Variants in CTNND2 observed in about 807,000 individuals in gnomAD.
CTNND2 encodes the protein catenin delta 2.
Under a neutral mutation model 144.4 loss-of-function variants are expected in CTNND2, and 22 were observed. The ratio of observed to expected loss-of-function variants is 0.15; its 90% CI spans 0.11 to 0.22. The LOEUF (loss-of-function observed/expected upper bound fraction) is 0.22. CTNND2 is among the 10% of genes least tolerant of loss of function. The pLI is 1.00. For missense variants in CTNND2, 1,353 were observed against 1,618.8 expected, an observed-to-expected ratio of 0.84 and a Z score of 2.82; for synonymous variants, 751 against 695.6, an observed-to-expected ratio of 1.08 and a Z score of -1.25.
At chr5:11,178,316 T>G (rs1760669797) in intron 11 of CTNND2, among the ~76,000 whole-genome samples, 1 of 152,268 alleles carries the variant, frequency 6.6e-6, no homozygotes, top group South Asian at 2.1e-4. Context: ...GGTTATTAGT[T>G]GAGGAATACT....
intron 10 of CTNND2, among the ~76,000 whole-genome samples, chr5:11,218,862 T>C (rs191536872): frequency 9.7e-4 from 147 of 152,286 alleles, no homozygotes; most frequent in Admixed American, 2.7e-3. Context: ...GTTTGGGGAT[T>C]GCTGGGTCTT....
At chr5:11,295,691 T>C (rs1204534037) in intron 9 of CTNND2, among the ~76,000 whole-genome samples, 17 of 152,118 alleles carry the variant, frequency 1.1e-4, no homozygotes, top group Non-Finnish European at 8.8e-5. Flanking sequence ...TATCTACAAC[T>C]ATCTGATCTT....
intron 9 of CTNND2, among the ~76,000 whole-genome samples, chr5:11,243,348 T>C (rs1010967009): frequency 6.6e-6 from 1 of 152,184 alleles, no homozygotes; most frequent in Admixed American, 6.5e-5. Context: ...ACTGTGTAGA[T>C]GAACATCGAG....
At chr5:11,418,282 TGTAATCCCAGCTACTTGG>T (rs1262145660) in intron 3 of CTNND2, among the ~76,000 whole-genome samples, 2 of 152,124 alleles carry the variant, frequency 1.3e-5, no homozygotes, top group Non-Finnish European at 2.9e-5. Flanking sequence ...GGCGCATGCC[TGTAATCCCAGCTACTTGG>T]GAGGCTGAGG....
intron 3 of CTNND2, among the ~76,000 whole-genome samples, chr5:11,443,198 T>C (rs1764436475): frequency 7.1e-6 from 1 of 140,748 alleles, no homozygotes; most frequent in African/African-American, 2.6e-5. Flanking sequence ...TGTGTGTGTG[T>C]GTGGTGTGTA....
chr5:11,012,064 C>G (rs1741149010), intron 18 of CTNND2, among the ~76,000 whole-genome samples: 2 of 152,208 alleles, frequency 1.3e-5, no homozygotes, highest in Non-Finnish European at 2.9e-5. Context: ...AGAGACGGCA[C>G]TTGCCAATCA....
chr5:11,485,405 T>C (rs1460346453), intron 3 of CTNND2, among the ~76,000 whole-genome samples: 1 of 149,518 alleles, frequency 6.7e-6, no homozygotes, highest in African/African-American at 2.5e-5. Context: ...GCACATTCAA[T>C]GCAATCCCCC....
chr5:11,226,519 G>A (rs1348885451), intron 10 of CTNND2, among the ~76,000 whole-genome samples: 2 of 152,182 alleles, frequency 1.3e-5, no homozygotes, highest in African/African-American at 2.4e-5. Context: ...ACATGACTGG[G>A]GAGGCCTCAC....
chr5:11,332,889 G>A (rs1753315690), intron 9 of CTNND2, among the ~76,000 whole-genome samples: 1 of 152,132 alleles, frequency 6.6e-6, no homozygotes, highest in African/African-American at 2.4e-5. Flanking sequence ...GGTTTTATAA[G>A]GGGAAACCCC....
chr5:11,035,093 A>G (rs948913312), intron 16 of CTNND2, among the ~76,000 whole-genome samples: 55 of 141,942 alleles, frequency 3.9e-4, no homozygotes, highest in African/African-American at 1.3e-3. Flanking sequence ...TCATTGTTCA[A>G]TTCCCACCTA....
At chr5:11,797,365 C>A (rs1791458558) in intron 1 of CTNND2, among the ~76,000 whole-genome samples, 1 of 152,132 alleles carries the variant, frequency 6.6e-6, no homozygotes, top group African/African-American at 2.4e-5. Flanking sequence ...GCCAGGACTT[C>A]CAAAATGGGG....
chr5:11,006,681 G>A (rs1351014392), intron 18 of CTNND2, among the ~76,000 whole-genome samples: 1 of 152,156 alleles, frequency 6.6e-6, no homozygotes, highest in Non-Finnish European at 1.5e-5. Context: ...AGGGGTTGAT[G>A]AGCACAACAG....
At chr5:11,838,505 C>G (rs1794295207) in intron 1 of CTNND2, among the ~76,000 whole-genome samples, 2 of 152,066 alleles carry the variant, frequency 1.3e-5, no homozygotes, top group Admixed American at 1.3e-4. Context: ...CAAGTAAGGA[C>G]AGGGATAGAC....
At chr5:11,200,701 C>T (rs1308665637) in intron 10 of CTNND2, among the ~76,000 whole-genome samples, 1 of 152,054 alleles carries the variant, frequency 6.6e-6, no homozygotes, top group Non-Finnish European at 1.5e-5. Context: ...CTTTTTGAGA[C>T]AGAGTCTCGC....
intron 2 of CTNND2, among the ~76,000 whole-genome samples, chr5:11,602,693 A>AATTTATATATAT (rs1779858521): frequency 6.9e-6 from 1 of 145,364 alleles, no homozygotes; most frequent in African/African-American, 2.5e-5. Flanking sequence ...AATTATATAT[A>AATTTATATATAT]GTATATATTT....
chr5:11,427,162 A>G (rs931762658), intron 3 of CTNND2, among the ~76,000 whole-genome samples: 2 of 152,188 alleles, frequency 1.3e-5, no homozygotes, highest in Admixed American at 6.5e-5. Context: ...ACTTAGAATT[A>G]TATTAAATAG....
chr5:11,340,681 A>G (rs1754168263), intron 9 of CTNND2, among the ~76,000 whole-genome samples: 1 of 152,226 alleles, frequency 6.6e-6, no homozygotes, highest in Admixed American at 6.5e-5. Flanking sequence ...AGTGATTCAT[A>G]GTTTTGCAGA....
At position 11,132,520 on chromosome 5, in the gene CTNND2, TG is replaced by T. The variant is rs369661317; in HGVS notation, c.2160-14954del. On this transcript the variant is annotated intron_variant, in intron 12 of 21. Transcript: ENST00000304623. ...GCTGTGTGAAGACACAGGAGTTGGC[TG>T]TCTGCAACCCAGGAGAGAGTCCTCA... Among the ~76,000 whole-genome samples, 435 of 152,306 alleles carry T rather than the reference TG, an allele frequency of 2.9e-3. 3 individuals carry two copies. Among genetic ancestry groups the T allele is most frequent in the African/African-American group, 9.3e-3 (385 of 41,584 alleles).
intron 3 of CTNND2, among the ~76,000 whole-genome samples, chr5:11,451,631 G>C (rs903745491): frequency 5.9e-5 from 9 of 152,112 alleles, no homozygotes; most frequent in African/African-American, 2.2e-4. Context: ...AAGCATTTCG[G>C]ATAAATGATA....
Sources: gnomAD v4.1 joint callset for allele counts (sites outside exome capture counted in the v4.1 genomes callset) on GRCh38, gnomAD v4.1.1 for gene constraint, MANE v1.5 for transcripts, NCBI Gene and HGNC (gene_info 2026-07-23, HGNC 2026-07-21) for gene names.